The following IKZF2 variants were observed in gnomAD, a reference collection of about 807,000 sequenced individuals.
IKZF2 encodes the protein zinc finger protein Helios.
Under a neutral mutation model 49.2 loss-of-function variants are expected in IKZF2, and 15 were observed. That is an observed-to-expected ratio of 0.30 (90% CI 0.20 to 0.47). The LOEUF is 0.47. IKZF2 is among the 20% of genes least tolerant of loss of function. The pLI is 1.00. For missense variants in IKZF2, 567 were observed against 664.6 expected (o/e 0.85, Z 1.61); for synonymous variants, 227 against 221.4 (o/e 1.03, Z -0.23).
chr2:213,107,009 TG>T (rs1417883830), intron 4 of IKZF2, among the ~76,000 whole-genome samples: 1 of 152,124 alleles, frequency 6.6e-6, no homozygotes, highest in Non-Finnish European at 1.5e-5. Context: ...TTAATTATAA[TG>T]GGGAAAATCA....
At chr2:213,104,341 G>A (rs1260469020) in intron 4 of IKZF2, among the ~76,000 whole-genome samples, 1 of 151,814 alleles carries the variant, frequency 6.6e-6, no homozygotes, top group Non-Finnish European at 1.5e-5. Context: ...GGGGTTCTCA[G>A]CCCATTCCTT....
At chr2:213,076,708 T>C (rs1703301541) in intron 4 of IKZF2, among the ~76,000 whole-genome samples, 1 of 152,210 alleles carries the variant, frequency 6.6e-6, no homozygotes, top group Admixed American at 6.5e-5. Flanking sequence ...GATATTTTAA[T>C]TTAAAAGAAG....
chr2:213,085,560 G>A (rs1006230955), intron 4 of IKZF2, among the ~76,000 whole-genome samples: 1 of 152,138 alleles, frequency 6.6e-6, no homozygotes. Context: ...CAACTCATGA[G>A]AGTTGGCAGT....
At chr2:213,074,133 T>C (rs373527240) in intron 4 of IKZF2, among the ~76,000 whole-genome samples, 5 of 152,340 alleles carry the variant, frequency 3.3e-5, no homozygotes, top group African/African-American at 1.2e-4. Flanking sequence ...TAGCAGTATT[T>C]TGCCCTTTAC....
At chr2:213,103,306 T>G (rs1327019370) in intron 4 of IKZF2, among the ~76,000 whole-genome samples, 2 of 152,134 alleles carry the variant, frequency 1.3e-5, no homozygotes, top group African/African-American at 2.4e-5. Flanking sequence ...AATGCTTAGA[T>G]TTGAACCATT....
upstream of IKZF2, chr2:213,152,352 A>C (rs2061306016): frequency 6.6e-6 from 1 of 152,314 alleles, no homozygotes; most frequent in African/African-American, 2.4e-5. Flanking sequence ...CATTTCGGAA[A>C]GCGCACCGCA....
At position 213,005,823 on chromosome 2, in the gene IKZF2, A is replaced by G. The variant is rs951107377; in HGVS notation, c.*1537T>C. Reference sequence around the variant, plus strand: ...AAAAAACAGAGCGCCCACATAAATGAAATTAAAATCTGCACATGAAATATG... The same window carrying G: ...AAAAAACAGAGCGCCCACATAAATGGAATTAAAATCTGCACATGAAATATG... On this transcript the variant is annotated 3_prime_UTR_variant, in exon 9 of 9. Coordinates refer to ENST00000434687, the MANE Select transcript of IKZF2 (RefSeq NM_001387220.1). 1 of 152,028 alleles carries G rather than the reference A, an allele frequency of 6.6e-6. No individual in the cohort carries two copies. Among genetic ancestry groups the G allele is most frequent in the Non-Finnish European group, 1.5e-5 (1 of 67,980 alleles). 9.4% of individuals were successfully genotyped at this position (152,028 alleles called of 1,614,324 possible).
chr2:213,120,303 G>A (rs944992481), intron 4 of IKZF2, among the ~76,000 whole-genome samples: 5 of 152,100 alleles, frequency 3.3e-5, no homozygotes, highest in African/African-American at 1.2e-4. Flanking sequence ...AGAAATATGG[G>A]GAATAACTAA....
intron 4 of IKZF2, among the ~76,000 whole-genome samples, chr2:213,140,255 T>C (rs899809196): frequency 6.6e-6 from 1 of 151,988 alleles, no homozygotes; most frequent in African/African-American, 2.4e-5. Context: ...TATTTCAGAA[T>C]AATTATGCTG....
chr2:213,041,877 C>A (rs1699699345), intron 6 of IKZF2, among the ~76,000 whole-genome samples: 1 of 151,922 alleles, frequency 6.6e-6, no homozygotes, highest in African/African-American at 2.4e-5. Context: ...TAAACTAGGG[C>A]AAAATACTAA....
chr2:213,083,232 C>T (rs946048410), intron 4 of IKZF2, among the ~76,000 whole-genome samples: 1 of 152,082 alleles, frequency 6.6e-6, no homozygotes, highest in Non-Finnish European at 1.5e-5. Context: ...AAACCCCAGG[C>T]CAGGGACCAG....
intron 4 of IKZF2, among the ~76,000 whole-genome samples, chr2:213,094,924 G>T (rs1381094419): frequency 6.6e-6 from 1 of 152,138 alleles, no homozygotes; most frequent in Non-Finnish European, 1.5e-5. Flanking sequence ...CCATATAGGG[G>T]AGAGTGTTAT....
chr2:213,057,181 C>T (rs1701244780), intron 4 of IKZF2, 82 bp from the exon 5 acceptor site: 5 of 1,216,462 alleles, frequency 4.1e-6, no homozygotes, highest in Admixed American at 2.5e-5. Context: ...CATTGTCATC[C>T]TACTAAATGG....
At chr2:213,089,970 C>T (rs527841838) in intron 4 of IKZF2, among the ~76,000 whole-genome samples, 1 of 152,274 alleles carries the variant, frequency 6.6e-6, no homozygotes, top group Admixed American at 6.5e-5. Context: ...TTCTTTAAGG[C>T]CCAGACAATA....
chr2:213,125,549 A>G (rs1215486662), intron 4 of IKZF2, among the ~76,000 whole-genome samples: 1 of 152,212 alleles, frequency 6.6e-6, no homozygotes, highest in Non-Finnish European at 1.5e-5. Flanking sequence ...TGTAGTGTAA[A>G]TTGTTATACT....
intron 4 of IKZF2, among the ~76,000 whole-genome samples, chr2:213,113,873 G>T (rs1362767904): frequency 6.6e-6 from 1 of 152,134 alleles, no homozygotes; most frequent in Non-Finnish European, 1.5e-5. Flanking sequence ...AAGTTTGACA[G>T]AAATAAAGGT....
chr2:213,072,625 T>C (rs1702830902), intron 4 of IKZF2, among the ~76,000 whole-genome samples: 1 of 118,582 alleles, frequency 8.4e-6, no homozygotes, highest in African/African-American at 3.8e-5. Flanking sequence ...ATTTCAGCAC[T>C]CTTGAAAGTT....
chr2:213,130,109 C>A (rs2060426017), intron 4 of IKZF2, among the ~76,000 whole-genome samples: 1 of 152,148 alleles, frequency 6.6e-6, no homozygotes, highest in Non-Finnish European at 1.5e-5. Context: ...TTCTCTATTT[C>A]TTCTCTTTAG....
intron 4 of IKZF2, among the ~76,000 whole-genome samples, chr2:213,100,942 T>C (rs1172128524): frequency 2.6e-5 from 4 of 152,068 alleles, no homozygotes; most frequent in African/African-American, 9.6e-5. Flanking sequence ...CGTAATGTTT[T>C]GTCAGTTTTG....
Sources: gnomAD v4.1 joint callset for allele counts (sites outside exome capture counted in the v4.1 genomes callset) on GRCh38, gnomAD v4.1.1 for gene constraint, MANE v1.5 for transcripts, NCBI Gene and HGNC (gene_info 2026-07-23, HGNC 2026-07-21) for gene names.